RGS6: variants seen among roughly 807,000 people sequenced by gnomAD.
The protein encoded by RGS6 is regulator of G protein signaling 6.
In RGS6, 30 loss-of-function variants were observed where a neutral mutation model predicts 78.5. The observed-to-expected ratio is 0.38, with a 90% confidence interval of 0.29 to 0.52. The LOEUF (loss-of-function observed/expected upper bound fraction) is 0.52. Ranked by LOEUF, RGS6 falls within the 20% of genes least tolerant of loss-of-function variation. The probability of loss-of-function intolerance (pLI) is 0.85; values close to 1 mark genes in which losing one functional copy is unlikely to be tolerated. For synonymous variants in RGS6, 206 were observed against 206.0 expected, an observed-to-expected ratio of 1.00 and a Z score of 0.00; for missense variants, 495 against 609.7, an observed-to-expected ratio of 0.81 and a Z score of 1.98.
intron 2 of RGS6, among the ~76,000 whole-genome samples, chr14:72,112,347 C>CT (rs1334100261): frequency 6.6e-6 from 1 of 152,126 alleles, no homozygotes; most frequent in Non-Finnish European, 1.5e-5. Context: ...TATTAGGCTG[C>CT]TAAGGTTTTA....
intron 17 of RGS6, chr14:72,540,696 A>G: frequency 7.3e-7 from 1 of 1,365,618 alleles, no homozygotes; most frequent in Non-Finnish European, 9.7e-7. Context: ...CCTCATGTGC[A>G]CAGTGTGATA....
chr14:72,280,516 A>G (rs2061396303), intron 2 of RGS6, among the ~76,000 whole-genome samples: 1 of 152,220 alleles, frequency 6.6e-6, no homozygotes, highest in African/African-American at 2.4e-5. Context: ...TCACAGAACA[A>G]TTGTGAAAAA....
At chr14:71,941,693 G>T (rs890306510) in intron 1 of RGS6, among the ~76,000 whole-genome samples, 1 of 152,124 alleles carries the variant, frequency 6.6e-6, no homozygotes, top group African/African-American at 2.4e-5. Flanking sequence ...ATGTTTTTCT[G>T]CCTGCTTTAT....
At chr14:72,395,524 A>C (rs1054146867) in intron 3 of RGS6, among the ~76,000 whole-genome samples, 1 of 152,062 alleles carries the variant, frequency 6.6e-6, no homozygotes, top group African/African-American at 2.4e-5. Context: ...TTTTTTTACT[A>C]TCCAACATAA....
At chr14:72,354,861 T>C (rs574370639) in intron 3 of RGS6, among the ~76,000 whole-genome samples, 1 of 152,292 alleles carries the variant, frequency 6.6e-6, no homozygotes, top group Non-Finnish European at 1.5e-5. Context: ...TTTTAAAATT[T>C]ATGTAAATGA....
At chr14:72,518,645 T>C (rs1417711967) in intron 15 of RGS6, 108 bp downstream of exon 15, 1 of 1,090,396 alleles carries the variant, frequency 9.2e-7, no homozygotes, top group African/African-American at 1.6e-5. Context: ...AATTTCAGAT[T>C]TGGTTATTTT....
chr14:72,540,014 C>T (rs1450648901), intron 16 of RGS6, 27 bp from the exon 17 acceptor site: 1 of 1,534,214 alleles, frequency 6.5e-7, no homozygotes, highest in Non-Finnish European at 8.7e-7. Flanking sequence ...GTATTTTTCT[C>T]CCTACCCTTT....
chr14:72,098,101 T>G (rs941376210), intron 2 of RGS6, among the ~76,000 whole-genome samples: 3 of 152,150 alleles, frequency 2.0e-5, no homozygotes, highest in Non-Finnish European at 4.4e-5. Flanking sequence ...TGTTATAATA[T>G]CCTGACATAG....
intron 2 of RGS6, among the ~76,000 whole-genome samples, chr14:72,296,938 A>G (rs796133253): frequency 3.3e-5 from 5 of 152,230 alleles, no homozygotes; most frequent in African/African-American, 1.2e-4. Flanking sequence ...ATTCATCTTG[A>G]GTTAATTTTT....
At chr14:72,088,511 C>T (rs1214701904) in intron 2 of RGS6, among the ~76,000 whole-genome samples, 3 of 152,116 alleles carry the variant, frequency 2.0e-5, no homozygotes, top group Admixed American at 2.0e-4. Flanking sequence ...GGGAAGGGAA[C>T]CATCTCACTC....
chr14:72,296,017 C>T (rs1231809537), intron 2 of RGS6, among the ~76,000 whole-genome samples: 1 of 152,178 alleles, frequency 6.6e-6, no homozygotes, highest in Non-Finnish European at 1.5e-5. Flanking sequence ...ATTCCCCTTC[C>T]CAATAAATCT....
intron 3 of RGS6, among the ~76,000 whole-genome samples, chr14:72,411,788 T>C (rs1446532406): frequency 4.6e-5 from 7 of 152,230 alleles, no homozygotes; most frequent in African/African-American, 1.7e-4. Flanking sequence ...CGTTGTTGAA[T>C]TTTGTCAAAG....
chr14:72,621,552 C>T, the RGS6 span, among the ~76,000 whole-genome samples: 20 of 152,154 alleles, frequency 1.3e-4, no homozygotes, highest in Admixed American at 1.3e-3. Context: ...AGTGGGGCAA[C>T]AGGAAAGCTT....
chr14:72,236,765 G>A (rs1334867600), intron 2 of RGS6, among the ~76,000 whole-genome samples: 1 of 152,042 alleles, frequency 6.6e-6, no homozygotes. Context: ...GCTGCGGCCA[G>A]AGAGAGGCAC....
chr14:72,267,193 C>T (rs760873258), intron 2 of RGS6, among the ~76,000 whole-genome samples: 25 of 152,180 alleles, frequency 1.6e-4, no homozygotes, highest in Non-Finnish European at 2.6e-4. Context: ...TCAAGTGATC[C>T]GCCTGCCTCA....
At chr14:72,317,429 G>A (rs1197958003) in intron 2 of RGS6, among the ~76,000 whole-genome samples, 1 of 152,108 alleles carries the variant, frequency 6.6e-6, no homozygotes, top group Non-Finnish European at 1.5e-5. Context: ...TTACTTCCTA[G>A]AGAAGCTTCC....
At chr14:72,270,583 A>G (rs1413945758) in intron 2 of RGS6, among the ~76,000 whole-genome samples, 1 of 152,250 alleles carries the variant, frequency 6.6e-6, no homozygotes, top group East Asian at 1.9e-4. Flanking sequence ...ATCTTGTGCC[A>G]GGCTTTCAGA....
chr14:72,587,062 A>G, the RGS6 span, among the ~76,000 whole-genome samples: 2 of 152,162 alleles, frequency 1.3e-5, no homozygotes, highest in Non-Finnish European at 2.9e-5. Context: ...GTCCAGCCAT[A>G]ACAGCCTTTT....
intron 2 of RGS6, among the ~76,000 whole-genome samples, chr14:72,331,325 G>A (rs577358006): frequency 6.8e-4 from 104 of 152,224 alleles, no homozygotes; most frequent in African/African-American, 2.4e-3. Context: ...TTAGAGAGGT[G>A]GGCAGGCATT....
Sources: gnomAD v4.1 joint callset for allele counts (sites outside exome capture counted in the v4.1 genomes callset) on GRCh38, gnomAD v4.1.1 for gene constraint, MANE v1.5 for transcripts, NCBI Gene and HGNC (gene_info 2026-07-23, HGNC 2026-07-21) for gene names.